SLC27A2: variants seen among roughly 807,000 people sequenced by gnomAD.
The protein encoded by SLC27A2 is solute carrier family 27 member 2.
In SLC27A2, 54 loss-of-function variants were observed where a neutral mutation model predicts 60.0. The observed-to-expected ratio is 0.90, with a 90% CI of 0.72 to 1.13. The LOEUF (loss-of-function observed/expected upper bound fraction) is 1.13. SLC27A2 is among the 50% of genes most tolerant of loss of function. SLC27A2 has a pLI of 0.00. For synonymous variants in SLC27A2, 297 were observed against 297.6 expected (o/e 1.00, Z 0.02); for missense variants, 739 against 777.6 (o/e 0.95, Z 0.59).
chr15:50,219,267 C>A lies in SLC27A2; in HGVS notation c.973-3698C>A, dbSNP rs559527874. On this transcript the variant is annotated intron_variant, in intron 4 of 9. Coordinates refer to ENST00000267842, the MANE Select transcript of SLC27A2 (RefSeq NM_003645.4). ...TTAGAAATATGCAGATAGCAAGAAG[C>A]AGCTACAAGAGTTAACTGTCTGCCT... is the stretch of plus-strand genomic sequence containing the variant. Among the ~76,000 whole-genome samples, 3 of 152,226 alleles carry A rather than the reference C, an allele frequency of 2.0e-5. No individual in the cohort carries two copies. In the East Asian group the frequency reaches 5.8e-4, roughly 29 times the overall value.
chr15:50,214,800 A>G (rs1222196581), intron 4 of SLC27A2, among the ~76,000 whole-genome samples: 1 of 152,164 alleles, frequency 6.6e-6, no homozygotes, highest in Non-Finnish European at 1.5e-5. Context: ...AAATCGGCAT[A>G]CAAGGGACAT....
chr15:50,188,454 G>A (rs910292353), intron 1 of SLC27A2, among the ~76,000 whole-genome samples: 2 of 152,144 alleles, frequency 1.3e-5, no homozygotes, highest in Non-Finnish European at 2.9e-5. Context: ...CACTTCCACA[G>A]AAGGAAATAT....
At position 50,182,400 on chromosome 15, in the gene SLC27A2, C is replaced by T. The variant is rs989996008; in HGVS notation, c.-28C>T. On this transcript the variant is annotated 5_prime_UTR_variant, in exon 1 of 10. Transcript: ENST00000267842. Reference sequence around the variant, plus strand: ...ACGCCCGGGGTGAACCCTCTGCCCTCGCTGGGACAGAGGGCCCCGCAGCCG... The same window carrying T: ...ACGCCCGGGGTGAACCCTCTGCCCTTGCTGGGACAGAGGGCCCCGCAGCCG... The T allele has an allele frequency of 2.1e-5, 33 of 1,564,626 alleles. No homozygotes were observed. Among genetic ancestry groups the T allele is most frequent in the Non-Finnish European group, 2.7e-5 (31 of 1,152,548 alleles).
intron 9 of SLC27A2, among the ~76,000 whole-genome samples, 176 bp from the exon 10 acceptor site, chr15:50,235,744 C>G (rs969665353): frequency 1.3e-5 from 2 of 152,156 alleles, no homozygotes; most frequent in African/African-American, 4.8e-5. Context: ...TGTTATCTGT[C>G]CATTTAAAAA....
Position 50,223,110 on chromosome 15 carries a change from A to G in SLC27A2, c.1118A>G (p.Asn373Ser), listed in dbSNP as rs747898521. ...ACTGAAGGCAATATTGGATTTATGA[A>G]TTATGCGAGAAAAGTTGGTGCTGTT... ...AATEGNIGFM[N>S]YARKVGAVGR... Residue 373 changes from asparagine (N) to serine (S), a missense_variant, in exon 5 of 10, where the codon AAT becomes AGT. By Grantham distance (46) the Asn-to-Ser change is conservative (BLOSUM62 1). Transcript: ENST00000267842. The G allele has an allele frequency of 5.0e-6, 8 of 1,613,826 alleles. No individual in the cohort carries two copies. The highest frequency in any genetic ancestry group is 3.3e-5 in the Admixed American group (2 of 59,944).
chr15:50,196,080 ATATATATATATATATAT>A lies in SLC27A2; in HGVS notation c.479-1419_479-1403del, dbSNP rs2045019276. 3.2e-3 allele frequency among the ~76,000 whole-genome samples: 25 copies of A among 7,812 alleles called. 5 individuals carry two copies. Among genetic ancestry groups the A allele is most frequent in the African/African-American group, 0.018 (25 of 1,400 alleles). 5.1% of individuals were successfully genotyped at this position (7,812 alleles called of 152,430 possible). On this transcript the variant is annotated intron_variant, in intron 1 of 9. Coordinates refer to ENST00000267842, the MANE Select transcript of SLC27A2 (RefSeq NM_003645.4). Reference sequence around the variant, plus strand: ...AAAAAAAAAAAAAAAAAAAAAAAATATATATATATATATATATATATATATATATATATATATATATA... The same window carrying A: ...AAAAAAAAAAAAAAAAAAAAAAAATAATATATATATATATATATATATATA...
rs1166817540 is a variant in SLC27A2 at position 50,182,251 on chromosome 15, G to A, written c.-177G>A. ...TACGACTACACCTGCTCCGGAGCCC[G>A]CGGCGGTACCTGCAGCGGAGGAGCT... On this transcript the variant is annotated 5_prime_UTR_variant, in exon 1 of 10. Transcript: ENST00000267842. 3.8e-6 allele frequency: 4 copies of A among 1,051,866 alleles called. No individual in the cohort carries two copies. The highest frequency in any genetic ancestry group is 4.4e-5 in the Admixed American group (1 of 22,980). 65.2% of individuals were successfully genotyped at this position (1,051,866 alleles called of 1,614,324 possible).
chr15:50,231,663 C>CT (rs573277902), intron 8 of SLC27A2, among the ~76,000 whole-genome samples: 6 of 152,028 alleles, frequency 3.9e-5, no homozygotes, highest in South Asian at 4.2e-4. Flanking sequence ...ATCTGCATGT[C>CT]TTTTTTTTAA....
rs749054340 is a variant in SLC27A2 at position 50,182,918 on chromosome 15, G to A, written c.478+13G>A. The A allele has an allele frequency of 8.2e-6, 13 of 1,591,560 alleles. No homozygotes were observed. In the South Asian group the frequency reaches 1.5e-4, roughly 18 times the overall value. On this transcript the variant is annotated intron_variant, in intron 1 of 9. Transcript: ENST00000267842. ...CTGGTGTCGCCAGGTGAGCCCCGAG[G>A]ATCGCCCTGCCCTGGCACCAGGGCT...
In SLC27A2 at chr15:50,198,963, T is replaced by C. The variant is rs114556052; in HGVS notation, c.688+1254T>C. On this transcript the variant is annotated intron_variant, in intron 2 of 9. Transcript: ENST00000267842. Reference sequence around the variant, plus strand: ...ACTTCATACAGTCACTTTTGCTAAGTATTTAAGTAAATGAGAGGAAGCCAG... The same window carrying C: ...ACTTCATACAGTCACTTTTGCTAAGCATTTAAGTAAATGAGAGGAAGCCAG... 7.1e-3 allele frequency among the ~76,000 whole-genome samples: 1,086 copies of C among 152,228 alleles called. 14 individuals are homozygous for C. The highest frequency in any genetic ancestry group is 0.025 in the African/African-American group (1,030 of 41,532).
intron 2 of SLC27A2, among the ~76,000 whole-genome samples, chr15:50,200,072 A>G (rs768919833): frequency 6.6e-6 from 1 of 152,252 alleles, no homozygotes. Context: ...TCATTAATAC[A>G]AAATCTTAAT....
At chr15:50,204,896 T>A (rs1849441963) in intron 3 of SLC27A2, among the ~76,000 whole-genome samples, 1 of 148,104 alleles carries the variant, frequency 6.8e-6, no homozygotes, top group Non-Finnish European at 1.5e-5. Flanking sequence ...ACTCTATTTA[T>A]ACATATATTT....
In SLC27A2 at chr15:50,217,106, G is replaced by A. The variant is rs533534165; in HGVS notation, c.973-5859G>A. 2.6e-5 allele frequency among the ~76,000 whole-genome samples: 4 copies of A among 151,720 alleles called. No individual in the cohort carries two copies. In the South Asian group the frequency reaches 8.3e-4, roughly 32 times the overall value. On this transcript the variant is annotated intron_variant, in intron 4 of 9. Transcript: ENST00000267842. Reference sequence around the variant, plus strand: ...TTTGGGGACTTGGGGGGAAGAGTGGGAGGGGGACGAGGGATAAAAGACTAC... The same window carrying A: ...TTTGGGGACTTGGGGGGAAGAGTGGAAGGGGGACGAGGGATAAAAGACTAC...
chr15:50,185,767 C>T (rs919736378), intron 1 of SLC27A2, among the ~76,000 whole-genome samples: 7 of 151,482 alleles, frequency 4.6e-5, no homozygotes, highest in African/African-American at 7.3e-5. Flanking sequence ...ATAGCTGGGA[C>T]TACAGGCACC....
intron 1 of SLC27A2, among the ~76,000 whole-genome samples, chr15:50,188,840 A>C (rs1412014623): frequency 1.3e-5 from 2 of 152,092 alleles, no homozygotes; most frequent in Admixed American, 1.3e-4. Context: ...GGCATCCGTA[A>C]TCCCAGCTAC....
chr15:50,212,903 A>G (rs1256102699), intron 4 of SLC27A2, among the ~76,000 whole-genome samples: 1 of 152,206 alleles, frequency 6.6e-6, no homozygotes, highest in African/African-American at 2.4e-5. Context: ...CAACAAAAAA[A>G]CAAAAGTTCA....
intron 3 of SLC27A2, among the ~76,000 whole-genome samples, chr15:50,203,409 C>G (rs1222468553): frequency 6.6e-6 from 1 of 152,118 alleles, no homozygotes; most frequent in Non-Finnish European, 1.5e-5. Context: ...GCCATCTCTT[C>G]TGTTTCCTTC....
chr15:50,207,497 A>G (rs2140904694), intron 4 of SLC27A2, among the ~76,000 whole-genome samples: 1 of 152,238 alleles, frequency 6.6e-6, no homozygotes, highest in African/African-American at 2.4e-5. Flanking sequence ...TTTTTAAATT[A>G]TAGGTCATCA....
At chr15:50,228,901 C>T (rs757217936) in intron 7 of SLC27A2, 44 bp from the exon 8 acceptor site, 9 of 1,365,390 alleles carry the variant, frequency 6.6e-6, no homozygotes, top group Non-Finnish European at 8.4e-6. Context: ...CAACCTGGGC[C>T]AGAAACCACC....
Sources: gnomAD v4.1 joint callset for allele counts (sites outside exome capture counted in the v4.1 genomes callset) on GRCh38, gnomAD v4.1.1 for gene constraint, MANE v1.5 for transcripts, NCBI Gene and HGNC (gene_info 2026-07-23, HGNC 2026-07-21) for gene names.